The following DYM variants were observed in gnomAD, a reference collection of about 807,000 sequenced individuals.
DYM encodes the protein dyggve-Melchior-Clausen syndrome protein.
Under a neutral mutation model 93.1 loss-of-function variants are expected in DYM, and 78 were observed. The observed-to-expected ratio is 0.84, with a 90% CI of 0.70 to 1.01. The LOEUF is 1.01. DYM is among the 50% of genes least tolerant of loss of function. The probability of loss-of-function intolerance (pLI) is 0.00; values close to 1 mark genes in which losing one functional copy is unlikely to be tolerated. For synonymous variants in DYM, 321 were observed against 319.7 expected (o/e 1.00, Z -0.04); for missense variants, 789 against 845.0 (o/e 0.93, Z 0.82).
intron 11 of DYM, among the ~76,000 whole-genome samples, chr18:49,268,201 T>C (rs558733164): frequency 6.6e-6 from 1 of 152,274 alleles, no homozygotes; most frequent in South Asian, 2.1e-4. Context: ...TCATAGGCAA[T>C]TAGGTTCACA....
intron 15 of DYM, among the ~76,000 whole-genome samples, chr18:49,131,886 T>C (rs1357759739): frequency 1.3e-5 from 2 of 152,152 alleles, no homozygotes. Flanking sequence ...ATGTGAAAGA[T>C]TCTACAGGAC....
intron 14 of DYM, among the ~76,000 whole-genome samples, chr18:49,207,809 G>GTCTCCATCTCTCTCTC (rs1301061439): frequency 9.4e-6 from 1 of 106,828 alleles, no homozygotes; most frequent in African/African-American, 2.7e-5. Flanking sequence ...AAATAGCTCT[G>GTCTCCATCTCTCTCTC]TCTCCATCTC....
chr18:49,345,425 TAAG>T (rs1372909947), intron 6 of DYM, among the ~76,000 whole-genome samples: 1 of 152,080 alleles, frequency 6.6e-6, no homozygotes, highest in Non-Finnish European at 1.5e-5. Context: ...CAATTTTAAA[TAAG>T]AAGACCTCAA....
intron 15 of DYM, among the ~76,000 whole-genome samples, chr18:49,161,168 T>C (rs560885949): frequency 2.1e-4 from 32 of 151,754 alleles, no homozygotes; most frequent in Middle Eastern, 3.4e-3. Context: ...CTTTAAGAAA[T>C]TCATTTTTAC....
chr18:49,048,308 A>G (rs1321042250), intron 17 of DYM: 1 of 152,234 alleles, frequency 6.6e-6, no homozygotes, highest in African/African-American at 2.4e-5. Context: ...CAAACTTTAG[A>G]AAACCTCACA....
intron 17 of DYM, 68 bp from the exon 18 acceptor site, chr18:49,044,272 G>C: frequency 1.3e-6 from 2 of 1,589,102 alleles, no homozygotes; most frequent in Middle Eastern, 1.7e-4. Flanking sequence ...GTGAGAGTTT[G>C]CAGGTGGTGC....
chr18:49,410,049 T>C (rs540560352), intron 2 of DYM, among the ~76,000 whole-genome samples: 32 of 152,330 alleles, frequency 2.1e-4, no homozygotes, highest in African/African-American at 6.7e-4. Context: ...TTCTTCTTCA[T>C]CTGAACACTT....
intron 2 of DYM, among the ~76,000 whole-genome samples, chr18:49,404,285 G>A (rs1430278642): frequency 6.6e-6 from 1 of 152,190 alleles, no homozygotes; most frequent in Non-Finnish European, 1.5e-5. Context: ...TAGGATTAAA[G>A]GTGTGAGCCA....
chr18:49,226,989 T>C (rs2093555847), intron 13 of DYM, among the ~76,000 whole-genome samples: 1 of 152,174 alleles, frequency 6.6e-6, no homozygotes. Flanking sequence ...TTGGGGGACA[T>C]GAATGATGAC....
At chr18:49,368,163 ACTG>A (rs1221956773) in intron 5 of DYM, among the ~76,000 whole-genome samples, 1 of 152,212 alleles carries the variant, frequency 6.6e-6, no homozygotes, top group African/African-American at 2.4e-5. Flanking sequence ...ATTCTGGTTG[ACTG>A]CTATTATTTT....
At chr18:49,348,462 T>G (rs1043208780) in intron 6 of DYM, among the ~76,000 whole-genome samples, 1 of 152,206 alleles carries the variant, frequency 6.6e-6, no homozygotes, top group Non-Finnish European at 1.5e-5. Flanking sequence ...AAACAGTGCT[T>G]GGCATTTGGG....
chr18:49,350,085 T>TA (rs2147145974), intron 6 of DYM, among the ~76,000 whole-genome samples: 1 of 152,330 alleles, frequency 6.6e-6, no homozygotes, highest in Non-Finnish European at 1.5e-5. Context: ...TTTTAGGGAA[T>TA]AAATTTTTAC....
intron 6 of DYM, among the ~76,000 whole-genome samples, chr18:49,360,266 A>C (rs2065904190): frequency 6.6e-6 from 1 of 151,862 alleles, no homozygotes; most frequent in Non-Finnish European, 1.5e-5. Flanking sequence ...AGGCAAAAAA[A>C]AAAAAAAAGC....
At chr18:49,239,074 T>G (rs1391579977) in intron 13 of DYM, among the ~76,000 whole-genome samples, 1 of 152,194 alleles carries the variant, frequency 6.6e-6, no homozygotes, top group Non-Finnish European at 1.5e-5. Context: ...GGCCAGCAAG[T>G]GCAGCCACAT....
intron 2 of DYM, among the ~76,000 whole-genome samples, chr18:49,409,192 G>A (rs1476653763): frequency 6.6e-6 from 1 of 150,676 alleles, no homozygotes; most frequent in Non-Finnish European, 1.5e-5. Flanking sequence ...GCTGAGGCAG[G>A]AGAATCACTT....
At chr18:49,149,548 T>C (rs1429546557) in intron 15 of DYM, among the ~76,000 whole-genome samples, 1 of 152,094 alleles carries the variant, frequency 6.6e-6, no homozygotes, top group African/African-American at 2.4e-5. Context: ...TGTATGAAAT[T>C]ATTATATATC....
intron 17 of DYM, among the ~76,000 whole-genome samples, chr18:49,076,386 C>T (rs1443848369): frequency 3.3e-5 from 5 of 152,200 alleles, no homozygotes; most frequent in Non-Finnish European, 5.9e-5. Flanking sequence ...GTGAAACATG[C>T]TATCGTAATA....
At chr18:49,388,690 G>C (rs1340235839) in intron 3 of DYM, among the ~76,000 whole-genome samples, 1 of 151,402 alleles carries the variant, frequency 6.6e-6, no homozygotes, top group Non-Finnish European at 1.5e-5. Flanking sequence ...AAAATCAAAA[G>C]ATAAAAAGAA....
In DYM at chr18:49,097,462, C is replaced by T. The variant is rs2145556145; in HGVS notation, c.1965G>A (p.Val655=). The part of the protein sequence containing the change: ...RLLQAGAELS[V]ERVLEIIKQG... Reference sequence around the variant, plus strand: ...GCTTAATGATTTCCAGGACCCGTTCCACTGACAGCTCAGCTCCAGCTTGCA... The same window carrying T: ...GCTTAATGATTTCCAGGACCCGTTCTACTGACAGCTCAGCTCCAGCTTGCA... Residue 655 remains valine (V), a synonymous_variant, in exon 17 of 18, where the codon GTG becomes GTA. Coordinates refer to ENST00000675505, the MANE Select transcript of DYM (RefSeq NM_001353214.3). 1 of 1,614,040 alleles carries T rather than the reference C, an allele frequency of 6.2e-7. No individual in the cohort carries two copies. Among genetic ancestry groups the T allele is most frequent in the Non-Finnish European group, 8.5e-7 (1 of 1,179,950 alleles).
Sources: gnomAD v4.1 joint callset for allele counts (sites outside exome capture counted in the v4.1 genomes callset) on GRCh38, gnomAD v4.1.1 for gene constraint, MANE v1.5 for transcripts, NCBI Gene and HGNC (gene_info 2026-07-23, HGNC 2026-07-21) for gene names.